Variants in ZFAND6 observed in about 807,000 individuals in gnomAD.
ZFAND6 encodes zinc finger AN1-type containing 6.
In ZFAND6, 12 loss-of-function variants were observed where a neutral mutation model predicts 24.5. The observed-to-expected ratio is 0.49, with a 90% confidence interval of 0.31 to 0.79. The LOEUF is 0.79. ZFAND6 is among the 30% of genes least tolerant of loss of function. ZFAND6 has a pLI of 0.04. For missense variants in ZFAND6, 207 were observed against 245.9 expected (o/e 0.84, Z 1.06); for synonymous variants, 92 against 81.5 (o/e 1.13, Z -0.69).
At chr15:80,065,717 G>T (rs2036595182) in intron 1 of ZFAND6, among the ~76,000 whole-genome samples, 2 of 151,384 alleles carry the variant, frequency 1.3e-5, no homozygotes. Context: ...GCTAATTTTT[G>T]TGTTTTTAGT....
Position 80,121,800 on chromosome 15 carries a change from A to G in ZFAND6, c.243A>G (p.Thr81=), listed in dbSNP as rs1412930955. Residue 81 remains threonine (T), a synonymous_variant, in exon 4 of 7, where the codon ACA becomes ACG. Transcript: ENST00000261749. The part of the protein sequence containing the change: ...VPEAQSALDS[T]SSSMQPSPVS... Reference sequence around the variant, plus strand: ...AAGCCCAGTCAGCATTAGACTCTACATCTTCATCTATGCAGCCCAGGTAAG... The same window carrying G: ...AAGCCCAGTCAGCATTAGACTCTACGTCTTCATCTATGCAGCCCAGGTAAG... 6.2e-7 allele frequency: 1 copy of G among 1,613,656 alleles called. No individual in the cohort carries two copies. Among genetic ancestry groups the G allele is most frequent in the South Asian group, 1.1e-5 (1 of 91,050 alleles).
chr15:80,078,976 G>C (rs1280013630), intron 1 of ZFAND6, among the ~76,000 whole-genome samples: 1 of 151,782 alleles, frequency 6.6e-6, no homozygotes, highest in East Asian at 1.9e-4. Context: ...CCATGCTGGT[G>C]TGCTGCACCC....
intron 1 of ZFAND6, among the ~76,000 whole-genome samples, chr15:80,078,672 C>T (rs1483101447): frequency 6.6e-6 from 1 of 152,152 alleles, no homozygotes; most frequent in Non-Finnish European, 1.5e-5. Flanking sequence ...TTGACATTAA[C>T]ACCAACAGTG....
chr15:80,104,788 G>T (rs939795213), intron 2 of ZFAND6, among the ~76,000 whole-genome samples: 8 of 151,820 alleles, frequency 5.3e-5, no homozygotes, highest in African/African-American at 1.7e-4. Flanking sequence ...AGGCCTTTAT[G>T]GGCATACATT....
intron 6 of ZFAND6, among the ~76,000 whole-genome samples, chr15:80,132,517 C>A: frequency 6.6e-6 from 1 of 152,168 alleles, no homozygotes. Flanking sequence ...CTATACTTCT[C>A]TAATAATTTC....
Position 80,137,780 on chromosome 15 carries a change from CTG to C in ZFAND6, c.*153_*154del. 1.3e-6 allele frequency: 1 copy of C among 747,846 alleles called. No individual in the cohort carries two copies. The highest frequency in any genetic ancestry group is 3.3e-5 in the East Asian group (1 of 30,344). The allele number at this position is 747,846 out of a possible 1,614,324, so 46.3% of individuals were successfully genotyped here. A position where few individuals can be genotyped will look rare whatever the true frequency, so the allele number is the denominator to read the frequency against. On this transcript the variant is annotated 3_prime_UTR_variant, in exon 7 of 7. Coordinates refer to ENST00000261749, the MANE Select transcript of ZFAND6 (RefSeq NM_019006.4). ...TTTTGGTTTTGTTTTGAAAATGACT[CTG>C]AACATTTATTTCCATTGCAATTTCT... is the stretch of plus-strand genomic sequence containing the variant.
At chr15:80,068,374 CTTGAACTTTT>C (rs1323041267) in intron 1 of ZFAND6, among the ~76,000 whole-genome samples, 2 of 149,834 alleles carry the variant, frequency 1.3e-5, no homozygotes, top group African/African-American at 4.9e-5. Flanking sequence ...CCAGGCTGGT[CTTGAACTTTT>C]TTTTTGAGAT....
At chr15:80,105,254 G>A (rs771507558) in intron 2 of ZFAND6, among the ~76,000 whole-genome samples, 48 of 152,140 alleles carry the variant, frequency 3.2e-4, no homozygotes, top group Non-Finnish European at 1.5e-4. Context: ...ACTTTTGAGA[G>A]GAGGATGTTA....
At chr15:80,105,710 T>C (rs2039286908) in intron 2 of ZFAND6, among the ~76,000 whole-genome samples, 1 of 152,218 alleles carries the variant, frequency 6.6e-6, no homozygotes, top group Non-Finnish European at 1.5e-5. Flanking sequence ...TCAGTTCTTT[T>C]TTCTTTTTAC....
At chr15:80,093,861 A>G (rs966189490) in intron 1 of ZFAND6, among the ~76,000 whole-genome samples, 1 of 152,192 alleles carries the variant, frequency 6.6e-6, no homozygotes, top group South Asian at 2.1e-4. Flanking sequence ...ATTCCAGTGT[A>G]GTTTCGGGAA....
chr15:80,114,121 A>G (rs1033965697), intron 2 of ZFAND6, among the ~76,000 whole-genome samples: 2 of 152,208 alleles, frequency 1.3e-5, no homozygotes, highest in African/African-American at 4.8e-5. Flanking sequence ...TTTAGGAAGA[A>G]TAGAGTAAGA....
intron 2 of ZFAND6, among the ~76,000 whole-genome samples, chr15:80,114,396 G>C (rs944531100): frequency 6.6e-6 from 1 of 152,194 alleles, no homozygotes; most frequent in Non-Finnish European, 1.5e-5. Context: ...AAGGACGAAT[G>C]CTAGGTTGAG....
intron 1 of ZFAND6, among the ~76,000 whole-genome samples, chr15:80,095,079 A>ATT (rs149482469): frequency 3.3e-5 from 5 of 149,590 alleles, no homozygotes; most frequent in African/African-American, 1.2e-4. Flanking sequence ...TTCTTTAGGG[A>ATT]TTTTTTTTTT....
chr15:80,118,080 T>C (rs2039971905), intron 2 of ZFAND6, among the ~76,000 whole-genome samples: 1 of 151,818 alleles, frequency 6.6e-6, no homozygotes, highest in Admixed American at 6.6e-5. Flanking sequence ...ATACATACTA[T>C]ATATACACAC....
chr15:80,100,883 A>G (rs1023407779), intron 2 of ZFAND6, among the ~76,000 whole-genome samples: 10 of 152,196 alleles, frequency 6.6e-5, no homozygotes. Flanking sequence ...ATACTGAGCA[A>G]ATTTCTTAAA....
intron 5 of ZFAND6, among the ~76,000 whole-genome samples, chr15:80,125,263 G>T (rs1305736044): frequency 1.3e-5 from 2 of 152,030 alleles, no homozygotes; most frequent in Non-Finnish European, 2.9e-5. Flanking sequence ...CAGTTCTCAG[G>T]GTAGGATCAA....
At chr15:80,088,198 GC>G (rs1344254833) in intron 1 of ZFAND6, among the ~76,000 whole-genome samples, 1 of 151,990 alleles carries the variant, frequency 6.6e-6, no homozygotes, top group Non-Finnish European at 1.5e-5. Context: ...TACAACTCCA[GC>G]TTGGACTTGT....
At chr15:80,059,946 G>T (rs1427619656) in intron 1 of ZFAND6, 137 bp downstream of exon 1, 3 of 150,998 alleles carry the variant, frequency 2.0e-5, no homozygotes, top group Admixed American at 6.6e-5. Context: ...AGCGGAGGGC[G>T]GCCGGCCGGC....
intron 1 of ZFAND6, chr15:80,073,312 A>G (rs2037081322): frequency 5.6e-6 from 2 of 358,102 alleles, no homozygotes; most frequent in Non-Finnish European, 5.5e-6. Flanking sequence ...GAAAGGATTT[A>G]TATTTTTAAA....
Sources: gnomAD v4.1 joint callset for allele counts (sites outside exome capture counted in the v4.1 genomes callset) on GRCh38, gnomAD v4.1.1 for gene constraint, MANE v1.5 for transcripts, NCBI Gene and HGNC (gene_info 2026-07-23, HGNC 2026-07-21) for gene names.